Variants in MCPH1 observed in about 807,000 individuals in gnomAD.
MCPH1 encodes microcephalin.
Under a neutral mutation model 84.5 loss-of-function variants are expected in MCPH1, and 104 were observed. The ratio of observed to expected loss-of-function variants is 1.23; its 90% CI spans 1.05 to 1.45. MCPH1 has a LOEUF of 1.45. Among genes scored for constraint, MCPH1 ranks in the 40% most tolerant of loss-of-function variants. MCPH1 has a pLI of 0.00. For missense variants in MCPH1, 1,498 were observed against 1,005.7 expected (o/e 1.49, Z -6.62); for synonymous variants, 514 against 366.8 (o/e 1.40, Z -4.58).
intron 3 of MCPH1, among the ~76,000 whole-genome samples, chr8:6,419,327 C>T (rs376984247): frequency 1.6e-4 from 25 of 152,212 alleles, no homozygotes; most frequent in Admixed American, 4.6e-4. Context: ...TCAATCAGTC[C>T]TCTCACCCCA....
intron 12 of MCPH1, among the ~76,000 whole-genome samples, chr8:6,504,104 A>G (rs2515598): frequency 0.52 from 78,821 of 151,818 alleles, 21,131 homozygotes; most frequent in African/African-American, 0.63. Context: ...GGATCACGAG[A>G]TCAGGAGACC....
intron 1 of MCPH1, among the ~76,000 whole-genome samples, chr8:6,407,345 C>T (rs1797884234): frequency 6.6e-6 from 1 of 152,074 alleles, no homozygotes; most frequent in South Asian, 2.1e-4. Flanking sequence ...TCTATCAACT[C>T]TCTTATATCA....
chr8:6,489,393 G>A (rs1249588618), intron 11 of MCPH1, among the ~76,000 whole-genome samples: 1 of 152,076 alleles, frequency 6.6e-6, no homozygotes, highest in African/African-American at 2.4e-5. Flanking sequence ...CAGTCAGAAG[G>A]GGGACTGTCT....
chr8:6,484,874 T>C (rs1413169929), intron 11 of MCPH1, among the ~76,000 whole-genome samples: 1 of 152,248 alleles, frequency 6.6e-6, no homozygotes, highest in African/African-American at 2.4e-5. Flanking sequence ...GAGTAGCATC[T>C]GCCTCTGCAG....
At chr8:6,461,408 C>G (rs1806279988) in intron 9 of MCPH1, among the ~76,000 whole-genome samples, 1 of 150,542 alleles carries the variant, frequency 6.6e-6, no homozygotes, top group Non-Finnish European at 1.5e-5. Flanking sequence ...TCACTGCAAC[C>G]TCCACCCCAC....
chr8:6,595,831 G>C (rs1039859210), intron 12 of MCPH1, among the ~76,000 whole-genome samples: 1 of 152,188 alleles, frequency 6.6e-6, no homozygotes, highest in South Asian at 2.1e-4. Flanking sequence ...AATAGAGTCA[G>C]ATACAATTGG....
chr8:6,543,632 G>A (rs1281399706), intron 12 of MCPH1, among the ~76,000 whole-genome samples: 1 of 152,192 alleles, frequency 6.6e-6, no homozygotes, highest in Non-Finnish European at 1.5e-5. Flanking sequence ...TCATAAAGCT[G>A]TAGGTGCAGC....
Position 6,546,644 on chromosome 8 carries a change from C to G in MCPH1, c.2214+46715C>G, listed in dbSNP as rs572729951. 3.9e-5 allele frequency among the ~76,000 whole-genome samples: 6 copies of G among 152,222 alleles called. No homozygotes were observed. The South Asian group carries it at 1.2e-3, about 32-fold the overall frequency. The stretch of plus-strand genomic sequence containing the variant: ...TTTGGAGCTAACCGCTTAATACAAG[C>G]AACTGTTGGCCTAGAGATAAATAGA... On this transcript the variant is annotated intron_variant, in intron 12 of 13. Coordinates refer to ENST00000344683, the MANE Select transcript of MCPH1 (RefSeq NM_024596.5).
At chr8:6,559,154 C>T (rs945553908) in intron 12 of MCPH1, among the ~76,000 whole-genome samples, 2 of 151,978 alleles carry the variant, frequency 1.3e-5, no homozygotes, top group Non-Finnish European at 2.9e-5. Flanking sequence ...TTTCTTTCCT[C>T]TAATGAACCA....
At chr8:6,421,049 T>A (rs566785896) in intron 3 of MCPH1, among the ~76,000 whole-genome samples, 1 of 152,342 alleles carries the variant, frequency 6.6e-6, no homozygotes, top group African/African-American at 2.4e-5. Context: ...TTTCCGCAGT[T>A]CTTCCCTTAG....
chr8:6,429,360 G>A (rs1362750229), intron 3 of MCPH1, among the ~76,000 whole-genome samples: 2 of 151,948 alleles, frequency 1.3e-5, no homozygotes, highest in Non-Finnish European at 2.9e-5. Context: ...AAGGAGAGTC[G>A]CTCCCTCTTT....
At chr8:6,635,465 C>G (rs1257268464) in intron 13 of MCPH1, 2 of 152,122 alleles carry the variant, frequency 1.3e-5, no homozygotes, top group Non-Finnish European at 2.9e-5. Context: ...CATGGTGACA[C>G]GTGACTATAG....
chr8:6,643,386 T>G lies in MCPH1; in HGVS notation c.*337T>G, dbSNP rs534995675. On this transcript the variant is annotated 3_prime_UTR_variant, in exon 14 of 14. Transcript: ENST00000344683. ...TTCAAGCGATTCTGCTGCCTCAGCC[T>G]CCTGAGTAGCTGGGATTACAGATGT... The G allele has an allele frequency of 2.9e-6, 1 of 341,440 alleles. No homozygotes were observed. Among genetic ancestry groups the G allele is most frequent in the Admixed American group, 4.4e-5 (1 of 22,936 alleles). 21.2% of individuals were successfully genotyped at this position (341,440 alleles called of 1,614,324 possible).
rs754516485 is a variant in MCPH1 at position 6,409,281 on chromosome 8, G to T, written c.25G>T (p.Val9Leu). MAAPILKDVVAYVEVWSSN... is the reference protein window; with the variant it reads MAAPILKDLVAYVEVWSSN... ...TCATGTTCATATCTTGTTTTCAGAT[G>T]TAGTGGCCTATGTTGAAGTGTGGTC... The change falls in exon 2 of 14, where the codon GTA becomes TTA. Residue 9 changes from valine to leucine, a missense_variant and splice_region_variant. Physicochemically the swap from Val to Leu is conservative, Grantham distance 32. Coordinates refer to ENST00000344683, the MANE Select transcript of MCPH1 (RefSeq NM_024596.5). 1 of 1,610,890 alleles carries T rather than the reference G, an allele frequency of 6.2e-7. No individual in the cohort carries two copies. Among genetic ancestry groups the T allele is most frequent in the Admixed American group, 1.7e-5 (1 of 60,020 alleles).
chr8:6,486,262 A>ATCTCTCTCTCTCTC (rs56247663), intron 11 of MCPH1, among the ~76,000 whole-genome samples: 4 of 147,092 alleles, frequency 2.7e-5, no homozygotes, highest in East Asian at 2.0e-4. Flanking sequence ...TGTACAAGGA[A>ATCTCTCTCTCTCTC]TCTCTCTCTC....
At chr8:6,592,623 G>GTTTTTTTTTTTTTTTTTTTTTTTTTTT (rs573651366) in intron 12 of MCPH1, among the ~76,000 whole-genome samples, 1 of 77,558 alleles carries the variant, frequency 1.3e-5, no homozygotes, top group African/African-American at 5.4e-5. Flanking sequence ...TCTTTTTTTT[G>GTTTTTTTTTTTTTTTTTTTTTTTTTTT]TTTTTTTTTT....
Position 6,644,889 on chromosome 8 carries a change from G to T in MCPH1, c.*1840G>T, listed in dbSNP as rs1046414292. The T allele has an allele frequency of 6.6e-6, 1 of 152,168 alleles. No homozygotes were observed. Among genetic ancestry groups the T allele is most frequent in the African/African-American group, 2.4e-5 (1 of 41,426 alleles). 9.4% of individuals were successfully genotyped at this position (152,168 alleles called of 1,614,324 possible). A position where few individuals can be genotyped will look rare whatever the true frequency, so the allele number is the denominator to read the frequency against. Reference sequence around the variant, plus strand: ...ATTCTATAGAAAACCACAGAAACTGGAAATAATGAAGGGTTGTCTCTTGGT... The same window carrying T: ...ATTCTATAGAAAACCACAGAAACTGTAAATAATGAAGGGTTGTCTCTTGGT... On this transcript the variant is annotated 3_prime_UTR_variant, in exon 14 of 14. Transcript: ENST00000344683.
intron 13 of MCPH1, chr8:6,625,814 G>A (rs1832017321): frequency 2.0e-6 from 2 of 985,162 alleles, no homozygotes; most frequent in South Asian, 4.7e-5. Context: ...TCATTTTTCA[G>A]TGCCTTTATA....
chr8:6,567,173 C>T (rs1459641793), intron 12 of MCPH1, among the ~76,000 whole-genome samples: 1 of 136,706 alleles, frequency 7.3e-6, no homozygotes, highest in African/African-American at 2.7e-5. Flanking sequence ...GCGTGGTGTC[C>T]ATGTATGATC....
Sources: gnomAD v4.1 joint callset for allele counts (sites outside exome capture counted in the v4.1 genomes callset) on GRCh38, gnomAD v4.1.1 for gene constraint, MANE v1.5 for transcripts, NCBI Gene and HGNC (gene_info 2026-07-23, HGNC 2026-07-21) for gene names.